DENND1B: variants seen among roughly 807,000 people sequenced by gnomAD.
DENND1B encodes the protein DENN domain-containing protein 1B.
Under a neutral mutation model 90.1 loss-of-function variants are expected in DENND1B, and 59 were observed. That is an observed-to-expected ratio of 0.65 (90% CI 0.53 to 0.81). The LOEUF (loss-of-function observed/expected upper bound fraction) is 0.81, where lower values mean the gene tolerates loss of function less well. Ranked by LOEUF, DENND1B falls within the 40% of genes least tolerant of loss-of-function variation. The pLI is 0.00. For missense variants in DENND1B, 862 were observed against 912.6 expected (o/e 0.94, Z 0.71); for synonymous variants, 337 against 324.6 (o/e 1.04, Z -0.41).
intron 4 of DENND1B, among the ~76,000 whole-genome samples, chr1:197,672,860 G>A (rs552473677): frequency 7.9e-5 from 12 of 152,080 alleles, no homozygotes; most frequent in South Asian, 2.1e-4. Context: ...AATATAAAAC[G>A]TTAGATTGAA....
At chr1:197,758,170 C>T (rs535318015) in intron 2 of DENND1B, among the ~76,000 whole-genome samples, 2 of 152,292 alleles carry the variant, frequency 1.3e-5, no homozygotes, top group African/African-American at 4.8e-5. Context: ...AGATTCGGTA[C>T]TACAAACTTA....
At chr1:197,592,852 T>A in intron 14 of DENND1B, among the ~76,000 whole-genome samples, 1 of 152,164 alleles carries the variant, frequency 6.6e-6, no homozygotes, top group East Asian at 1.9e-4. Context: ...GTATAAACAA[T>A]CATAAAATTT....
rs182527728 is a variant in DENND1B at position 197,640,385 on chromosome 1, A to G, written c.672+2326T>C. On this transcript the variant is annotated intron_variant, in intron 10 of 22. Transcript: ENST00000620048. ...CTACTTGGGAGGCTGAGGTAGGAGA[A>G]TATCTTGAACCTGGAAGGCAGAGGT... 4.4e-3 allele frequency among the ~76,000 whole-genome samples: 666 copies of G among 152,002 alleles called. 10 individuals carry two copies. The highest frequency in any genetic ancestry group is 0.015 in the African/African-American group (623 of 41,444).
chr1:197,612,037 ATAAG>A (rs1677230113), intron 11 of DENND1B, 61 bp from the exon 12 acceptor site: 1 of 1,305,066 alleles, frequency 7.7e-7, no homozygotes, highest in Non-Finnish European at 1.1e-6. Flanking sequence ...AAACAACAGT[ATAAG>A]TAATTCAAAA....
At chr1:197,534,952 C>T (rs188956476) in intron 20 of DENND1B, among the ~76,000 whole-genome samples, 134 of 152,296 alleles carry the variant, frequency 8.8e-4, no homozygotes, top group Admixed American at 1.8e-3. Flanking sequence ...TCTTCCATAA[C>T]ATACTGTATC....
chr1:197,524,192 T>C (rs950059636), intron 20 of DENND1B, among the ~76,000 whole-genome samples: 3 of 152,182 alleles, frequency 2.0e-5, no homozygotes, highest in African/African-American at 7.2e-5. Context: ...ACCAGTCTAA[T>C]TCATTCTGCT....
At chr1:197,665,549 A>T (rs1654861085) in intron 5 of DENND1B, among the ~76,000 whole-genome samples, 1 of 152,150 alleles carries the variant, frequency 6.6e-6, no homozygotes, top group South Asian at 2.1e-4. Flanking sequence ...ATTAGTATCA[A>T]CATCTTTAAC....
intron 2 of DENND1B, among the ~76,000 whole-genome samples, chr1:197,723,441 A>T (rs548026539): frequency 5.9e-5 from 9 of 152,158 alleles, no homozygotes; most frequent in Non-Finnish European, 1.0e-4. Context: ...TGAGAGTTTT[A>T]AAAAAAACAT....
chr1:197,758,960 A>AT (rs759108636), intron 2 of DENND1B, among the ~76,000 whole-genome samples: 3,356 of 97,784 alleles, frequency 0.034, 184 homozygotes, highest in African/African-American at 0.078. Context: ...TACTTCATTA[A>AT]TTTTTTTTTT....
At chr1:197,644,842 A>G (rs1461861951) in intron 9 of DENND1B, among the ~76,000 whole-genome samples, 1 of 152,212 alleles carries the variant, frequency 6.6e-6, no homozygotes, top group Non-Finnish European at 1.5e-5. Context: ...GAAAAACACT[A>G]GAATCCCAAA....
intron 11 of DENND1B, 121 bp downstream of exon 11, chr1:197,617,538 T>C (rs950288798): frequency 2.6e-5 from 18 of 685,188 alleles, no homozygotes; most frequent in Non-Finnish European, 3.8e-5. Flanking sequence ...TTACTATTTA[T>C]TAAAATGTAA....
intron 3 of DENND1B, among the ~76,000 whole-genome samples, chr1:197,674,980 T>C (rs1655908398): frequency 6.6e-6 from 1 of 152,158 alleles, no homozygotes; most frequent in Admixed American, 6.5e-5. Context: ...CAAATAATTA[T>C]CAGCTACTTG....
chr1:197,743,832 A>G (rs1663444783), intron 2 of DENND1B, among the ~76,000 whole-genome samples: 1 of 152,076 alleles, frequency 6.6e-6, no homozygotes. Flanking sequence ...AAAAAATTGG[A>G]GTCAGTCCTC....
intron 15 of DENND1B, among the ~76,000 whole-genome samples, chr1:197,573,422 T>C (rs1031385626): frequency 6.6e-6 from 1 of 152,200 alleles, no homozygotes; most frequent in Non-Finnish European, 1.5e-5. Context: ...AATCTCTGAA[T>C]AGACCAATAA....
intron 10 of DENND1B, among the ~76,000 whole-genome samples, chr1:197,620,643 T>C (rs1212946564): frequency 6.6e-6 from 1 of 151,338 alleles, no homozygotes; most frequent in Non-Finnish European, 1.5e-5. Context: ...TTTAATAAAG[T>C]AGGTGCTCTA....
At chr1:197,614,682 C>A (rs1017633156) in intron 11 of DENND1B, among the ~76,000 whole-genome samples, 28 of 150,624 alleles carry the variant, frequency 1.9e-4, no homozygotes, top group Non-Finnish European at 3.3e-4. Context: ...ACAAAGAGAC[C>A]ACTCATGACA....
At chr1:197,720,577 C>A (rs547111661) in intron 2 of DENND1B, among the ~76,000 whole-genome samples, 18 of 151,274 alleles carry the variant, frequency 1.2e-4, no homozygotes, top group African/African-American at 3.7e-4. Flanking sequence ...TTAAAAAAAA[C>A]GGTTTAAGGA....
intron 12 of DENND1B, among the ~76,000 whole-genome samples, chr1:197,609,022 C>T (rs1469590333): frequency 1.3e-5 from 2 of 149,748 alleles, no homozygotes; most frequent in East Asian, 3.9e-4. Flanking sequence ...TCTATTTTTT[C>T]CCTCCAAATT....
At chr1:197,542,460 AG>A (rs1332278707) in intron 18 of DENND1B, among the ~76,000 whole-genome samples, 2 of 152,222 alleles carry the variant, frequency 1.3e-5, no homozygotes, top group African/African-American at 4.8e-5. Flanking sequence ...CAAATATAAA[AG>A]TAGGGACAGT....
Sources: allele counts gnomAD v4.1 joint callset (sites outside exome capture counted in the v4.1 genomes callset), GRCh38; gene constraint gnomAD v4.1.1; transcripts MANE v1.5; gene names NCBI Gene and HGNC (gene_info 2026-07-23, HGNC 2026-07-21).